GABBR2: variants seen among roughly 807,000 people sequenced by gnomAD.
GABBR2 encodes the protein G-protein coupled receptor 51.
GABBR2 carries 23 observed loss-of-function variants against 105.6 expected under a neutral mutation model. The observed-to-expected ratio is 0.22, with a 90% CI of 0.16 to 0.31. The LOEUF (loss-of-function observed/expected upper bound fraction) is 0.31, where lower values mean the gene tolerates loss of function less well. Ranked by LOEUF, GABBR2 falls within the 10% of genes least tolerant of loss-of-function variation. The pLI is 1.00. For synonymous variants in GABBR2, 478 were observed against 499.7 expected, an observed-to-expected ratio of 0.96 and a Z score of 0.58; for missense variants, 734 against 1,245.5, an observed-to-expected ratio of 0.59 and a Z score of 6.18.
At chr9:98,481,988 A>G (rs2151213) in intron 4 of GABBR2, among the ~76,000 whole-genome samples, 37,457 of 152,052 alleles carry the variant, frequency 0.25, 5,019 homozygotes, top group East Asian at 0.53. Context: ...GTCCTGTCCC[A>G]TGGAGAAGAA....
At chr9:98,390,691 T>C (rs1323096085) in intron 9 of GABBR2, among the ~76,000 whole-genome samples, 1 of 152,090 alleles carries the variant, frequency 6.6e-6, no homozygotes, top group Non-Finnish European at 1.5e-5. Context: ...CCCAAACACC[T>C]GGCTCAGGTG....
At chr9:98,304,935 C>CCGGGACTACAGGTGTG (rs1830528095) in intron 15 of GABBR2, among the ~76,000 whole-genome samples, 1 of 97,766 alleles carries the variant, frequency 1.0e-5, no homozygotes, top group African/African-American at 4.2e-5. Context: ...CCACACCTGG[C>CCGGGACTACAGGTGTG]TTTTTTTTTG....
intron 6 of GABBR2, among the ~76,000 whole-genome samples, chr9:98,456,914 G>C (rs2131607425): frequency 6.6e-6 from 1 of 152,296 alleles, no homozygotes; most frequent in Non-Finnish European, 1.5e-5. Context: ...TATGTTAGGT[G>C]AATTTCCTAT....
At chr9:98,387,487 T>C (rs1832094773) in intron 10 of GABBR2, among the ~76,000 whole-genome samples, 1 of 152,258 alleles carries the variant, frequency 6.6e-6, no homozygotes, top group South Asian at 2.1e-4. Flanking sequence ...TTGTATGGAG[T>C]GGACAAAAGT....
chr9:98,447,726 G>C (rs1826161732), intron 7 of GABBR2, among the ~76,000 whole-genome samples: 2 of 151,628 alleles, frequency 1.3e-5, no homozygotes, highest in African/African-American at 4.8e-5. Context: ...TGGCTACCTA[G>C]TTTGACCTTA....
chr9:98,384,641 A>G (rs1262107332), intron 11 of GABBR2, among the ~76,000 whole-genome samples: 1 of 152,226 alleles, frequency 6.6e-6, no homozygotes, highest in Non-Finnish European at 1.5e-5. Context: ...TTTAGGCATT[A>G]AACTTTTTAA....
At chr9:98,614,766 T>C (rs1011075437) in intron 1 of GABBR2, among the ~76,000 whole-genome samples, 1 of 136,936 alleles carries the variant, frequency 7.3e-6, no homozygotes, top group African/African-American at 2.7e-5. Flanking sequence ...TGGAGAAGGA[T>C]AAAAAGATGC....
At chr9:98,612,315 G>A (rs1024395160) in intron 1 of GABBR2, among the ~76,000 whole-genome samples, 2 of 152,132 alleles carry the variant, frequency 1.3e-5, no homozygotes, top group African/African-American at 4.8e-5. Context: ...GGAGAATAAC[G>A]GCATTTTTTT....
In GABBR2 at chr9:98,371,913, C is replaced by T. The variant is rs183026525; in HGVS notation, c.1663-342G>A. Among the ~76,000 whole-genome samples the T allele has an allele frequency of 3.3e-5, 5 of 152,260 alleles. No individual in the cohort carries two copies. In the East Asian group the frequency reaches 7.8e-4, roughly 24 times the overall value. The stretch of plus-strand genomic sequence containing the variant: ...AAAAGGTGATGGTCCAGCCCTCTGG[C>T]CTTCACTTCCCCTCCTCCCTTCCTT... On this transcript the variant is annotated intron_variant, in intron 11 of 18. Coordinates refer to ENST00000259455, the MANE Select transcript of GABBR2 (RefSeq NM_005458.8).
At chr9:98,410,499 G>A (rs567655885) in intron 7 of GABBR2, among the ~76,000 whole-genome samples, 1 of 146,584 alleles carries the variant, frequency 6.8e-6, no homozygotes, top group Non-Finnish European at 1.5e-5. Context: ...ATGCATGAGG[G>A]AAAAGCTTTT....
At position 98,388,619 on chromosome 9, in the gene GABBR2, C is replaced by CTGTGTGTGTG. The variant is rs113747643; in HGVS notation, c.1529+225_1529+234dup. On this transcript the variant is annotated intron_variant, in intron 10 of 18. Transcript: ENST00000259455. The surrounding 1 kb of genome is among the most constrained non-coding windows in gnomAD (Gnocchi z 4.4). ...TCCTGTGCAACCAGCAGCCTGGCCT[C>CTGTGTGTGTG]TGTGTGTGTGTGTGTGTGTGTGTGT... Among the ~76,000 whole-genome samples the CTGTGTGTGTG allele has an allele frequency of 6.6e-3, 947 of 144,522 alleles. 13 individuals carry two copies. Among genetic ancestry groups the CTGTGTGTGTG allele is most frequent in the African/African-American group, 0.023 (890 of 39,186 alleles). 94.8% of individuals were successfully genotyped at this position (144,522 alleles called of 152,430 possible).
Position 98,358,691 on chromosome 9 carries a change from G to T in GABBR2, c.1893+4024C>A, listed in dbSNP as rs145966451. 9.1e-3 allele frequency among the ~76,000 whole-genome samples: 1,385 copies of T among 152,326 alleles called. 13 individuals are homozygous for T. Among genetic ancestry groups the T allele is most frequent in the South Asian group, 0.019 (90 of 4,828 alleles). On this transcript the variant is annotated intron_variant, in intron 13 of 18. Coordinates refer to ENST00000259455, the MANE Select transcript of GABBR2 (RefSeq NM_005458.8). ...GGCTGGAATCACTTTGGGGCATGAGGAGGCTGTGGGGTGCTGAGCCATAGC... is the reference window on the plus strand; with the variant it reads ...GGCTGGAATCACTTTGGGGCATGAGTAGGCTGTGGGGTGCTGAGCCATAGC...
chr9:98,331,923 A>G (rs1382877968), intron 13 of GABBR2, among the ~76,000 whole-genome samples: 1 of 152,222 alleles, frequency 6.6e-6, no homozygotes, highest in East Asian at 1.9e-4. Context: ...AGTGAGGACA[A>G]TACACATGGA....
At chr9:98,413,180 C>G (rs78550687) in intron 7 of GABBR2, among the ~76,000 whole-genome samples, 1 of 152,186 alleles carries the variant, frequency 6.6e-6, no homozygotes, top group Admixed American at 6.5e-5. Context: ...AGATCAATGT[C>G]TGTGTGAGGG....
chr9:98,352,973 A>T (rs112937705), intron 13 of GABBR2, among the ~76,000 whole-genome samples: 31 of 152,160 alleles, frequency 2.0e-4, no homozygotes, highest in African/African-American at 7.0e-4. Context: ...TGGGCTCTCA[A>T]AATGGTGTCC....
intron 3 of GABBR2, among the ~76,000 whole-genome samples, chr9:98,520,001 A>T (rs905135890): frequency 6.6e-6 from 1 of 152,060 alleles, no homozygotes; most frequent in Non-Finnish European, 1.5e-5. Context: ...GAGTCAGGTG[A>T]CTCTAGACTA....
At chr9:98,301,364 A>C (rs1424364741) in intron 16 of GABBR2, among the ~76,000 whole-genome samples, 1 of 152,218 alleles carries the variant, frequency 6.6e-6, no homozygotes, top group Non-Finnish European at 1.5e-5. Flanking sequence ...GGAAAACCCC[A>C]CACACATTTG....
At chr9:98,383,991 T>C (rs1832026910) in intron 11 of GABBR2, among the ~76,000 whole-genome samples, 1 of 152,118 alleles carries the variant, frequency 6.6e-6, no homozygotes, top group Admixed American at 6.5e-5. Flanking sequence ...GAGCAACAAA[T>C]GCAGTCTAAA....
chr9:98,573,288 A>AT (rs1225549352), intron 2 of GABBR2, among the ~76,000 whole-genome samples: 11 of 152,146 alleles, frequency 7.2e-5, no homozygotes, highest in East Asian at 3.9e-4. Context: ...AACACTTATT[A>AT]TTTTTTTTAA....
Sources: gnomAD v4.1 joint callset for allele counts (sites outside exome capture counted in the v4.1 genomes callset) on GRCh38, gnomAD v4.1.1 for gene constraint, Gnocchi (gnomAD v3.1) non-coding constraint, MANE v1.5 for transcripts, NCBI Gene and HGNC (gene_info 2026-07-23, HGNC 2026-07-21) for gene names.